MYO6: variants seen among roughly 807,000 people sequenced by gnomAD.
The protein encoded by MYO6 is unconventional myosin-VI.
Under a neutral mutation model 178.7 loss-of-function variants are expected in MYO6, and 74 were observed. That is an observed-to-expected ratio of 0.41 (90% CI 0.34 to 0.50). The LOEUF (loss-of-function observed/expected upper bound fraction) is 0.50, where lower values mean the gene tolerates loss of function less well. Ranked by LOEUF, MYO6 falls within the 20% of genes least tolerant of loss-of-function variation. The pLI is 0.09. For missense variants in MYO6, 1,330 were observed against 1,547.4 expected, an observed-to-expected ratio of 0.86 and a Z score of 2.36; for synonymous variants, 477 against 504.6, an observed-to-expected ratio of 0.95 and a Z score of 0.73.
chr6:75,802,693 C>T (rs1240587243), intron 1 of MYO6, among the ~76,000 whole-genome samples: 1 of 151,878 alleles, frequency 6.6e-6, no homozygotes. Context: ...CACTTTGTTG[C>T]CCAGGCTGGT....
chr6:75,895,529 T>G (rs1779226937), intron 29 of MYO6, among the ~76,000 whole-genome samples: 2 of 151,700 alleles, frequency 1.3e-5, no homozygotes, highest in South Asian at 4.2e-4. Flanking sequence ...TTTTTTTTTT[T>G]TTTTTGAGAC....
At chr6:75,884,094 A>G (rs1045455541) in intron 23 of MYO6, among the ~76,000 whole-genome samples, 5 of 152,246 alleles carry the variant, frequency 3.3e-5, no homozygotes, top group Admixed American at 3.3e-4. Context: ...ACATTATAGT[A>G]AACTCATCTG....
chr6:75,845,089 A>G (rs916246965), intron 10 of MYO6, 112 bp downstream of exon 10: 28 of 844,992 alleles, frequency 3.3e-5, no homozygotes, highest in African/African-American at 5.2e-5. Flanking sequence ...TTTTAGGCTT[A>G]TACTTTAAAA....
Position 75,855,253 on chromosome 6 carries a change from C to T in MYO6, c.1193C>T (p.Thr398Ile), listed in dbSNP as rs745379209. The T allele has an allele frequency of 1.2e-5, 19 of 1,613,500 alleles. No homozygotes were observed. The highest frequency in any genetic ancestry group is 1.5e-5 in the Non-Finnish European group (18 of 1,179,680). ...VSLTTRVMLT[T>I]AGGTKGTVIK... ...TTGACCACAAGAGTCATGCTAACAA[C>T]AGCAGGGGGCACCAAAGGAACAGTT... The change falls in exon 12 of 35, where the codon ACA becomes ATA. Residue 398 changes from threonine (T) to isoleucine (I), a missense_variant. Coordinates refer to ENST00000369977, the MANE Select transcript of MYO6 (RefSeq NM_004999.4).
intron 10 of MYO6, among the ~76,000 whole-genome samples, chr6:75,846,332 A>G (rs1583259688): frequency 1.3e-5 from 2 of 152,036 alleles, no homozygotes; most frequent in South Asian, 2.1e-4. Context: ...ACAAGTTTTT[A>G]TAATAGTCAG....
At chr6:75,785,979 G>A (rs1035301711) in intron 1 of MYO6, among the ~76,000 whole-genome samples, 23 of 151,874 alleles carry the variant, frequency 1.5e-4, no homozygotes, top group Non-Finnish European at 2.2e-4. Context: ...GCAGTGGTGC[G>A]ATCCTGGCTC....
intron 1 of MYO6, among the ~76,000 whole-genome samples, chr6:75,798,387 C>CGTAT (rs1471913185): frequency 9.2e-5 from 14 of 151,996 alleles, no homozygotes; most frequent in African/African-American, 3.4e-4. Flanking sequence ...TGTAGCCTTC[C>CGTAT]GTATAGTTTG....
rs573563784 is a variant in MYO6, at chr6:75,914,211, T to C, written c.3588T>C (p.His1196=). The change falls in exon 34 of 35, where the codon CAT becomes CAC. Residue 1196 remains histidine (H), a synonymous_variant. Coordinates refer to ENST00000369977, the MANE Select transcript of MYO6 (RefSeq NM_004999.4). The part of the protein sequence containing the change: ...QSKKKGWWYA[H]FDGPWIARQM... ...AGAAAAAAGGCTGGTGGTATGCCCA[T>C]TTTGATGGACCATGGATTGCCCGGC... The C allele has an allele frequency of 1.2e-6, 2 of 1,614,140 alleles. No homozygotes were observed. Among genetic ancestry groups the C allele is most frequent in the Admixed American group, 3.3e-5 (2 of 60,016 alleles).
intron 1 of MYO6, among the ~76,000 whole-genome samples, 188 bp downstream of exon 1, chr6:75,749,611 C>G (rs1445257187): frequency 6.6e-6 from 1 of 152,174 alleles, no homozygotes; most frequent in Non-Finnish European, 1.5e-5. Flanking sequence ...GGCGGTGGTT[C>G]TCGTTTCCAC....
chr6:75,844,214 C>T (rs542595126), intron 9 of MYO6, among the ~76,000 whole-genome samples: 1 of 152,236 alleles, frequency 6.6e-6, no homozygotes, highest in South Asian at 2.1e-4. Context: ...GCAGTAGATT[C>T]TTGTTGATAC....
chr6:75,878,208 G>A (rs1335043), intron 20 of MYO6, among the ~76,000 whole-genome samples: 60,369 of 151,976 alleles, frequency 0.4, 12,898 homozygotes, highest in Middle Eastern at 0.54. Context: ...TACGTCTTGG[G>A]TATATTTTTT....
chr6:75,868,543 A>T (rs537960663), intron 18 of MYO6, among the ~76,000 whole-genome samples: 1 of 152,190 alleles, frequency 6.6e-6, no homozygotes, highest in Non-Finnish European at 1.5e-5. Context: ...AACTTCTTAT[A>T]ATTGCTTATA....
Position 75,857,091 on chromosome 6 carries a change from T to C in MYO6, c.1224-6T>C, listed in dbSNP as rs1381833735. On this transcript the variant is annotated splice_region_variant and splice_polypyrimidine_tract_variant and intron_variant, in intron 12 of 34. Transcript: ENST00000369977. Reference sequence around the variant, plus strand: ...GAATTTTTACTAGCATAGTTTTCTTTTATAGGGTACCTCTGAAAGTGGAGC... The same window carrying C: ...GAATTTTTACTAGCATAGTTTTCTTCTATAGGGTACCTCTGAAAGTGGAGC... 3 of 1,613,878 alleles carry C rather than the reference T, an allele frequency of 1.9e-6. No individual in the cohort carries two copies. Among genetic ancestry groups the C allele is most frequent in the Non-Finnish European group, 2.5e-6 (3 of 1,179,846 alleles).
chr6:75,805,023 T>TATA (rs1192462156), intron 1 of MYO6, among the ~76,000 whole-genome samples: 73 of 34,284 alleles, frequency 2.1e-3, no homozygotes, highest in Middle Eastern at 0.017. Flanking sequence ...ATATATATAT[T>TATA]TTTTTTTTTT....
intron 1 of MYO6, among the ~76,000 whole-genome samples, chr6:75,757,751 CT>C (rs1426082116): frequency 1.3e-5 from 2 of 151,952 alleles, no homozygotes; most frequent in African/African-American, 2.4e-5. Context: ...GTTTTCTCAT[CT>C]ATAAAATGGA....
chr6:75,754,696 C>T (rs1328503088), intron 1 of MYO6, among the ~76,000 whole-genome samples: 1 of 152,068 alleles, frequency 6.6e-6, no homozygotes, highest in African/African-American at 2.4e-5. Flanking sequence ...TGATTCCTCC[C>T]TGTGCTGGCA....
At chr6:75,898,139 G>A (rs909211262) in intron 29 of MYO6, among the ~76,000 whole-genome samples, 2 of 152,230 alleles carry the variant, frequency 1.3e-5, no homozygotes, top group Middle Eastern at 3.4e-3. Flanking sequence ...AGTTGCTACT[G>A]CAAAAATGGA....
rs560652853 is a variant in MYO6, at chr6:75,902,569, A to T, written c.3176+4158A>T. Among the ~76,000 whole-genome samples the T allele has an allele frequency of 2.6e-5, 4 of 152,262 alleles. No individual in the cohort carries two copies. In the East Asian group the frequency reaches 7.7e-4, roughly 29 times the overall value. On this transcript the variant is annotated intron_variant, in intron 30 of 34. Transcript: ENST00000369977. ...TTGTATTTCTGTGGGATCGGTGGTGACATCCCCTTTATCATTTTTGATTGC... is the reference window on the plus strand; with the variant it reads ...TTGTATTTCTGTGGGATCGGTGGTGTCATCCCCTTTATCATTTTTGATTGC...
At chr6:75,836,012 T>G in intron 7 of MYO6, 56 bp downstream of exon 7, 1 of 1,176,272 alleles carries the variant, frequency 8.5e-7, no homozygotes, top group Non-Finnish European at 1.3e-6. Flanking sequence ...ACAAGACTTC[T>G]TTTAGTGGTC....
Sources: allele counts gnomAD v4.1 joint callset (sites outside exome capture counted in the v4.1 genomes callset), GRCh38; gene constraint gnomAD v4.1.1; transcripts MANE v1.5; gene names NCBI Gene and HGNC (gene_info 2026-07-23, HGNC 2026-07-21).